Variants in PPP2R2C observed in about 807,000 individuals in gnomAD.
PPP2R2C encodes protein phosphatase 2, regulatory subunit B, gamma.
In PPP2R2C, 10 loss-of-function variants were observed where a neutral mutation model predicts 45.3. The observed-to-expected ratio is 0.22, with a 90% CI of 0.14 to 0.37. The LOEUF is 0.37. PPP2R2C is among the 10% of genes least tolerant of loss of function. The pLI is 1.00. For synonymous variants in PPP2R2C, 257 were observed against 245.4 expected, an observed-to-expected ratio of 1.05 and a Z score of -0.44; for missense variants, 308 against 619.7, an observed-to-expected ratio of 0.50 and a Z score of 5.34.
At chr4:6,551,023 C>T (rs1041663868) in intron 1 of PPP2R2C, among the ~76,000 whole-genome samples, 21 of 152,308 alleles carry the variant, frequency 1.4e-4, no homozygotes, top group East Asian at 9.7e-4. Flanking sequence ...TCCTCGCCTC[C>T]GGGGCCATGG....
intron 1 of PPP2R2C, among the ~76,000 whole-genome samples, chr4:6,449,342 C>T (rs1038692886): frequency 2.0e-5 from 3 of 152,224 alleles, no homozygotes; most frequent in Non-Finnish European, 1.5e-5. Context: ...AGAACAGGCG[C>T]GTCTCTAAGT....
intron 3 of PPP2R2C, among the ~76,000 whole-genome samples, chr4:6,377,600 C>T (rs550076966): frequency 2.6e-5 from 4 of 152,134 alleles, no homozygotes; most frequent in African/African-American, 7.2e-5. Context: ...CGGAGGTTGC[C>T]GTGAGCAGAG....
At chr4:6,355,553 A>C (rs1340726218) in intron 5 of PPP2R2C, among the ~76,000 whole-genome samples, 8 of 145,284 alleles carry the variant, frequency 5.5e-5, no homozygotes, top group South Asian at 2.2e-4. Context: ...AGAAAGCACA[A>C]AAAAAAAAAA....
chr4:6,561,949 C>T (rs551568853), intron 1 of PPP2R2C, among the ~76,000 whole-genome samples: 3 of 152,198 alleles, frequency 2.0e-5, no homozygotes, highest in Non-Finnish European at 4.4e-5. Flanking sequence ...TGAGAAGCTG[C>T]GATTTGCCAA....
intron 2 of PPP2R2C, among the ~76,000 whole-genome samples, chr4:6,519,720 G>A (rs1038973672): frequency 3.3e-5 from 5 of 152,238 alleles, no homozygotes; most frequent in African/African-American, 4.8e-5. Flanking sequence ...CTAACAGGGA[G>A]AGGGTGGGAG....
chr4:6,535,220 G>A (rs954122434), intron 2 of PPP2R2C: 10 of 1,525,462 alleles, frequency 6.6e-6, no homozygotes, highest in South Asian at 4.8e-5. Flanking sequence ...CACAGCCCAC[G>A]TCCCCAAGCT....
Position 6,365,745 on chromosome 4 carries a change from G to A in PPP2R2C, c.625+6778C>T, listed in dbSNP as rs532463084. 1.8e-3 allele frequency among the ~76,000 whole-genome samples: 274 copies of A among 152,276 alleles called. 3 individuals carry two copies. Among genetic ancestry groups the A allele is most frequent in the Middle Eastern group, 0.01 (3 of 292 alleles). The stretch of plus-strand genomic sequence containing the variant: ...GCACCCCCCTCCAGCCCACCTGGCC[G>A]TGCGGACCTGCTCTGTAAATGGGAA... On this transcript the variant is annotated intron_variant, in intron 5 of 8. Coordinates refer to ENST00000382599, the MANE Select transcript of PPP2R2C (RefSeq NM_020416.4).
chr4:6,513,477 G>T (rs2108807629), intron 2 of PPP2R2C, among the ~76,000 whole-genome samples: 1 of 152,310 alleles, frequency 6.6e-6, no homozygotes, highest in Middle Eastern at 3.4e-3. Context: ...GTGAGCCACA[G>T]AAAGGCTTCC....
intron 1 of PPP2R2C, among the ~76,000 whole-genome samples, chr4:6,401,276 C>T (rs906203950): frequency 2.0e-4 from 31 of 152,248 alleles, no homozygotes; most frequent in African/African-American, 6.7e-4. Flanking sequence ...GAAGCAGTTT[C>T]GCCAAAGCAA....
chr4:6,425,665 G>A (rs1452872448), intron 1 of PPP2R2C, among the ~76,000 whole-genome samples: 1 of 152,182 alleles, frequency 6.6e-6, no homozygotes, highest in African/African-American at 2.4e-5. Context: ...ATCACGTGCA[G>A]GAACTCACAA....
At chr4:6,523,716 G>A (rs1724099373) in intron 2 of PPP2R2C, among the ~76,000 whole-genome samples, 2 of 152,204 alleles carry the variant, frequency 1.3e-5, no homozygotes. Flanking sequence ...ACTCCTGGGT[G>A]TCTATCACGG....
chr4:6,444,130 C>T (rs1176768133), intron 1 of PPP2R2C, among the ~76,000 whole-genome samples: 1 of 152,020 alleles, frequency 6.6e-6, no homozygotes, highest in Non-Finnish European at 1.5e-5. Context: ...CTATGGCCCA[C>T]CCAGGACCAC....
Position 6,332,248 on chromosome 4 carries a change from T to C in PPP2R2C, c.960+1314A>G, listed in dbSNP as rs1280191616. Among the ~76,000 whole-genome samples the C allele has an allele frequency of 6.6e-6, 1 of 150,858 alleles. No individual in the cohort carries two copies. Among genetic ancestry groups the C allele is most frequent in the African/African-American group, 2.4e-5 (1 of 40,920 alleles). ...GCTGCCTCCAGAGGGAGCCAGAGAG[T>C]TGCTCCTGCAGGCTTGAGCCGGGCT... On this transcript the variant is annotated intron_variant, in intron 7 of 8. Transcript: ENST00000382599. The surrounding 1 kb of genome is among the most constrained non-coding windows in gnomAD (Gnocchi z 4.9).
At chr4:6,511,120 C>A (rs7677883) in intron 2 of PPP2R2C, among the ~76,000 whole-genome samples, 11,563 of 152,144 alleles carry the variant, frequency 0.076, 813 homozygotes, top group African/African-American at 0.19. Context: ...TCATCTGTAA[C>A]ATGGAGATAA....
intron 1 of PPP2R2C, among the ~76,000 whole-genome samples, chr4:6,417,001 C>T (rs554672813): frequency 6.6e-5 from 10 of 152,210 alleles, no homozygotes; most frequent in African/African-American, 2.4e-4. Flanking sequence ...TCCACTACCC[C>T]CTGCTCCCTC....
chr4:6,393,842 T>A (rs1388012544), intron 1 of PPP2R2C, among the ~76,000 whole-genome samples: 1 of 152,098 alleles, frequency 6.6e-6, no homozygotes, highest in Non-Finnish European at 1.5e-5. Flanking sequence ...AGCTGCTGGG[T>A]TTGACTCTAG....
chr4:6,424,113 C>T (rs12498383), intron 1 of PPP2R2C, among the ~76,000 whole-genome samples: 21,498 of 152,190 alleles, frequency 0.14, 1,869 homozygotes, highest in East Asian at 0.45. Flanking sequence ...CAGGGAAAGC[C>T]GGATTAGGAG....
intron 6 of PPP2R2C, among the ~76,000 whole-genome samples, chr4:6,337,112 G>GTGTGTGTATA (rs1202845732): frequency 9.0e-4 from 27 of 30,096 alleles, no homozygotes; most frequent in African/African-American, 2.8e-3. Context: ...ATGTGTGTGT[G>GTGTGTGTATA]TATATATATA....
Position 6,348,874 on chromosome 4 carries a change from A to AT in PPP2R2C, c.626-865dup, listed in dbSNP as rs1560466987. 18 of 703,610 alleles carry AT rather than the reference A, an allele frequency of 2.6e-5. No homozygotes were observed. The South Asian group carries it at 7.7e-4, about 30-fold the overall frequency. 43.6% of individuals were successfully genotyped at this position (703,610 alleles called of 1,614,324 possible). The stretch of plus-strand genomic sequence containing the variant: ...TAAATGTGGGAGCCAATAAATGTCC[A>AT]TTTTTTGTTTAGAGTCAAGAACTTT... On this transcript the variant is annotated intron_variant, in intron 5 of 8. Coordinates refer to ENST00000382599, the MANE Select transcript of PPP2R2C (RefSeq NM_020416.4).
Sources: gnomAD v4.1 joint callset for allele counts (sites outside exome capture counted in the v4.1 genomes callset) on GRCh38, gnomAD v4.1.1 for gene constraint, Gnocchi (gnomAD v3.1) non-coding constraint, MANE v1.5 for transcripts, NCBI Gene and HGNC (gene_info 2026-07-23, HGNC 2026-07-21) for gene names.